Variants in GIPC2 observed in about 807,000 individuals in gnomAD.
GIPC2 encodes the protein PDZ domain-containing protein GIPC2.
Under a neutral mutation model 30.6 loss-of-function variants are expected in GIPC2, and 30 were observed. The ratio of observed to expected loss-of-function variants is 0.98; its 90% CI spans 0.73 to 1.33. The LOEUF (loss-of-function observed/expected upper bound fraction) is 1.33. Among genes scored for constraint, GIPC2 ranks in the 40% most tolerant of loss-of-function variants. The pLI, the probability that GIPC2 is intolerant of heterozygous loss-of-function variation, is 0.00. For missense variants in GIPC2, 414 were observed against 390.3 expected (o/e 1.06, Z -0.51); for synonymous variants, 167 against 150.0 (o/e 1.11, Z -0.83).
At chr1:78,082,281 G>T (rs948620405) in intron 2 of GIPC2, among the ~76,000 whole-genome samples, 20 of 152,190 alleles carry the variant, frequency 1.3e-4, no homozygotes, top group African/African-American at 4.6e-4. Flanking sequence ...ATTAATGATA[G>T]ATTTCATGCA....
chr1:78,047,393 A>G (rs534449151), intron 1 of GIPC2, among the ~76,000 whole-genome samples: 1 of 152,178 alleles, frequency 6.6e-6, no homozygotes, highest in Non-Finnish European at 1.5e-5. Context: ...CCAAGAGGAG[A>G]CGAAAGAGAG....
intron 2 of GIPC2, among the ~76,000 whole-genome samples, chr1:78,089,819 G>C (rs531202557): frequency 6.6e-5 from 10 of 152,294 alleles, no homozygotes; most frequent in African/African-American, 2.4e-4. Context: ...AATGTTTTCT[G>C]TAAAGGGCAG....
At chr1:78,076,299 AT>A (rs1661715974) in intron 1 of GIPC2, among the ~76,000 whole-genome samples, 1 of 152,216 alleles carries the variant, frequency 6.6e-6, no homozygotes, top group South Asian at 2.1e-4. Flanking sequence ...AAGGCCCTCC[AT>A]CTTCTGGCCC....
At chr1:78,065,652 T>C (rs1402620269) in intron 1 of GIPC2, among the ~76,000 whole-genome samples, 6 of 152,150 alleles carry the variant, frequency 3.9e-5, no homozygotes. Flanking sequence ...CAAAATATAC[T>C]ATAGGGCTAT....
rs374667852 is a variant in GIPC2, at chr1:78,121,559, C to T, written c.714+2060C>T. ...GCTGTCCTTAGGAATGTCGAGGCAC[C>T]CACGGTGTTGTCAGTTTTGGGGGGA... On this transcript the variant is annotated intron_variant, in intron 4 of 5. Coordinates refer to ENST00000370759, the MANE Select transcript of GIPC2 (RefSeq NM_017655.6). 1.4e-4 allele frequency among the ~76,000 whole-genome samples: 22 copies of T among 152,136 alleles called. No individual in the cohort carries two copies. In the East Asian group the frequency reaches 4.1e-3, roughly 28 times the overall value.
At chr1:78,074,583 G>C (rs902863709) in intron 1 of GIPC2, among the ~76,000 whole-genome samples, 1 of 152,124 alleles carries the variant, frequency 6.6e-6, no homozygotes, top group Admixed American at 6.6e-5. Context: ...ATTTACGTGA[G>C]GATCAAGGAG....
chr1:78,128,621 T>C (rs1372215740), intron 5 of GIPC2, among the ~76,000 whole-genome samples: 2 of 152,222 alleles, frequency 1.3e-5, no homozygotes, highest in African/African-American at 4.8e-5. Context: ...AGCAAATGTA[T>C]ATATGTGTAC....
chr1:78,052,369 G>A (rs186174684), intron 1 of GIPC2, among the ~76,000 whole-genome samples: 2 of 152,288 alleles, frequency 1.3e-5, no homozygotes, highest in South Asian at 2.1e-4. Context: ...GTTTACTGAT[G>A]TGGCCCTCAA....
At chr1:78,107,650 C>A (rs1479935820) in intron 3 of GIPC2, among the ~76,000 whole-genome samples, 1 of 151,524 alleles carries the variant, frequency 6.6e-6, no homozygotes, top group Non-Finnish European at 1.5e-5. Flanking sequence ...CAGGGTGAAA[C>A]CCCATCTCTT....
intron 1 of GIPC2, among the ~76,000 whole-genome samples, chr1:78,063,958 T>C (rs1661455122): frequency 1.3e-5 from 2 of 151,468 alleles, no homozygotes; most frequent in African/African-American, 4.8e-5. Context: ...TTTTTCCTCA[T>C]ATTCAACATT....
chr1:78,066,686 T>C (rs1442655004), intron 1 of GIPC2, among the ~76,000 whole-genome samples: 1 of 152,216 alleles, frequency 6.6e-6, no homozygotes, highest in Non-Finnish European at 1.5e-5. Flanking sequence ...ATATACACCA[T>C]GGAATGCTAT....
intron 3 of GIPC2, among the ~76,000 whole-genome samples, chr1:78,117,182 A>T (rs1473893553): frequency 6.6e-6 from 1 of 152,240 alleles, no homozygotes; most frequent in African/African-American, 2.4e-5. Context: ...GGCAAAGGAT[A>T]TGAACAGACA....
At chr1:78,120,547 G>A (rs1662660872) in intron 4 of GIPC2, among the ~76,000 whole-genome samples, 2 of 152,092 alleles carry the variant, frequency 1.3e-5, no homozygotes, top group East Asian at 3.8e-4. Flanking sequence ...TTTTCACACT[G>A]CTAATAAAGA....
At chr1:78,132,624 T>C (rs1174654048) in intron 5 of GIPC2, among the ~76,000 whole-genome samples, 1 of 150,738 alleles carries the variant, frequency 6.6e-6, no homozygotes, top group East Asian at 1.9e-4. Flanking sequence ...AAAAAAAAAA[T>C]CATGTACCAA....
chr1:78,085,126 A>G (rs903841132), intron 2 of GIPC2, among the ~76,000 whole-genome samples: 1 of 152,076 alleles, frequency 6.6e-6, no homozygotes, highest in African/African-American at 2.4e-5. Flanking sequence ...GTTTGATGAG[A>G]GTTTTTAACA....
At chr1:78,113,476 G>A (rs534572306) in intron 3 of GIPC2, among the ~76,000 whole-genome samples, 1 of 142,964 alleles carries the variant, frequency 7.0e-6, no homozygotes, top group Non-Finnish European at 1.6e-5. Flanking sequence ...CAGCCTTGAT[G>A]TCCTGGGCTC....
At chr1:78,062,512 T>C (rs1571479252) in intron 1 of GIPC2, among the ~76,000 whole-genome samples, 2 of 151,734 alleles carry the variant, frequency 1.3e-5, no homozygotes, top group South Asian at 2.1e-4. Context: ...TTTCTTTTTT[T>C]TTTTTTTTAA....
intron 5 of GIPC2, among the ~76,000 whole-genome samples, chr1:78,134,617 C>G (rs1448018574): frequency 1.3e-5 from 2 of 152,172 alleles, no homozygotes; most frequent in Non-Finnish European, 2.9e-5. Context: ...ACATCTCTCC[C>G]TTTTCTTCCT....
At chr1:78,126,393 G>A (rs1314984314) in intron 5 of GIPC2, among the ~76,000 whole-genome samples, 1 of 152,142 alleles carries the variant, frequency 6.6e-6, no homozygotes, top group African/African-American at 2.4e-5. Context: ...GACACACTTG[G>A]CATATGACTG....
Sources: gnomAD v4.1 joint callset for allele counts (sites outside exome capture counted in the v4.1 genomes callset) on GRCh38, gnomAD v4.1.1 for gene constraint, MANE v1.5 for transcripts, NCBI Gene and HGNC (gene_info 2026-07-23, HGNC 2026-07-21) for gene names.